Variants in RASA3 observed in about 807,000 individuals in gnomAD.
RASA3 encodes the protein ras GTPase-activating protein 3.
In RASA3, 73 loss-of-function variants were observed where a neutral mutation model predicts 110.0. That is an observed-to-expected ratio of 0.66 (90% confidence interval 0.55 to 0.81). The LOEUF is 0.81. Ranked by LOEUF, RASA3 falls within the 30% of genes least tolerant of loss-of-function variation. The pLI is 0.00. For missense variants in RASA3, 976 were observed against 1,113.2 expected (o/e 0.88, Z 1.75); for synonymous variants, 500 against 451.4 (o/e 1.11, Z -1.37).
chr13:113,994,846 C>T (rs1260150076), intron 21 of RASA3, among the ~76,000 whole-genome samples: 2 of 152,172 alleles, frequency 1.3e-5, no homozygotes, highest in South Asian at 2.1e-4. Flanking sequence ...TGGTGGAGCA[C>T]ACCTGTAGTC....
At chr13:114,110,628 C>T (rs928230564) in intron 1 of RASA3, among the ~76,000 whole-genome samples, 1 of 152,226 alleles carries the variant, frequency 6.6e-6, no homozygotes. Flanking sequence ...CCCGTTTCCT[C>T]ATCAGCAACA....
chr13:114,131,180 C>G (rs559830496), intron 1 of RASA3, among the ~76,000 whole-genome samples: 1 of 152,186 alleles, frequency 6.6e-6, no homozygotes, highest in African/African-American at 2.4e-5. Context: ...GGAAACAGCC[C>G]GCTGGTTTAG....
chr13:114,080,666 G>GCTGAAACAGGGGTCTCCCCCAGGGGTCA (rs2079769226), intron 1 of RASA3, among the ~76,000 whole-genome samples: 2 of 135,232 alleles, frequency 1.5e-5, no homozygotes, highest in Non-Finnish European at 3.3e-5. Context: ...CCCGACAACG[G>GCTGAAACAGGGGTCTCCCCCAGGGGTCA]CTGAAACAGG....
intron 1 of RASA3, among the ~76,000 whole-genome samples, chr13:114,093,699 T>C: frequency 6.6e-6 from 1 of 152,206 alleles, no homozygotes; most frequent in East Asian, 1.9e-4. Context: ...TATTTGTTCT[T>C]TTGATGTTGT....
rs1566479071 is a variant in RASA3 at position 114,013,904 on chromosome 13, TTCTCTG to T, written c.1406-662_1406-657del. ...TCTCTGTCTCTCTCTTTTTCTCTCT[TTCTCTG>T]TCTCTCTCTCTCCGTCTCTCTCTCC... On this transcript the variant is annotated intron_variant, in intron 14 of 23. Transcript: ENST00000334062. Among the ~76,000 whole-genome samples, 51 of 47,828 alleles carry T rather than the reference TTCTCTG, an allele frequency of 1.1e-3. 2 individuals carry two copies. The highest frequency in any genetic ancestry group is 3.4e-3 in the African/African-American group (37 of 10,792). The allele number at this position is 47,828 out of a possible 152,430, so 31.4% of individuals were successfully genotyped here. A position where few individuals can be genotyped will look rare whatever the true frequency, so the allele number is the denominator to read the frequency against.
At position 114,009,148 on chromosome 13, in the gene RASA3, G is replaced by A. The variant is rs139763609; in HGVS notation, c.1668+239C>T. 2.7e-3 allele frequency among the ~76,000 whole-genome samples: 404 copies of A among 152,330 alleles called. 2 individuals carry two copies. Among genetic ancestry groups the A allele is most frequent in the Non-Finnish European group, 4.6e-3 (314 of 68,036 alleles). On this transcript the variant is annotated intron_variant, in intron 17 of 23. Coordinates refer to ENST00000334062, the MANE Select transcript of RASA3 (RefSeq NM_007368.4). The stretch of plus-strand genomic sequence containing the variant: ...GGCTCAGACACAGAACAAGATGGGC[G>A]AGGGCCCCGTTTTGGCCCCAAAGGC...
At chr13:114,121,266 G>T (rs1305231628) in intron 1 of RASA3, among the ~76,000 whole-genome samples, 1 of 152,242 alleles carries the variant, frequency 6.6e-6, no homozygotes, top group African/African-American at 2.4e-5. Context: ...ATCCCGCCGA[G>T]CCTCCTGGGA....
chr13:114,027,607 G>A, intron 6 of RASA3, 146 bp from the exon 7 acceptor site: 1 of 770,298 alleles, frequency 1.3e-6, no homozygotes, highest in Admixed American at 2.6e-5. Context: ...AACTCCAGAT[G>A]GTATGCAAAT....
intron 19 of RASA3, among the ~76,000 whole-genome samples, chr13:114,000,068 T>G (rs1594296602): frequency 8.2e-5 from 5 of 60,938 alleles, no homozygotes; most frequent in Non-Finnish European, 1.2e-4. Flanking sequence ...TGGGGGGGGG[T>G]CTCTGCCAGG....
At chr13:114,082,242 A>G (rs1191431858) in intron 1 of RASA3, among the ~76,000 whole-genome samples, 3 of 152,344 alleles carry the variant, frequency 2.0e-5, no homozygotes, top group African/African-American at 7.2e-5. Flanking sequence ...CGTCTGAGAC[A>G]AAGGACATCA....
chr13:114,067,294 G>A (rs1321666298), intron 2 of RASA3, among the ~76,000 whole-genome samples: 1 of 152,196 alleles, frequency 6.6e-6, no homozygotes, highest in East Asian at 1.9e-4. Context: ...GGTACTCTGG[G>A]GCTGAGGATG....
At chr13:114,058,750 A>G (rs1449572032) in intron 2 of RASA3, among the ~76,000 whole-genome samples, 3 of 152,258 alleles carry the variant, frequency 2.0e-5, no homozygotes, top group African/African-American at 7.2e-5. Context: ...GCTGCTGTGG[A>G]CACAGGTGAC....
At chr13:114,082,957 A>G (rs2079806482) in intron 1 of RASA3, among the ~76,000 whole-genome samples, 2 of 152,336 alleles carry the variant, frequency 1.3e-5, no homozygotes, top group East Asian at 1.9e-4. Flanking sequence ...CTCTAAGCCA[A>G]TCCTGGGCTG....
intron 1 of RASA3, among the ~76,000 whole-genome samples, chr13:114,125,831 G>A (rs918577733): frequency 6.6e-6 from 1 of 152,088 alleles, no homozygotes; most frequent in Non-Finnish European, 1.5e-5. Flanking sequence ...TCAGTGAGCT[G>A]CCTCCCCGAC....
intron 1 of RASA3, among the ~76,000 whole-genome samples, chr13:114,117,652 G>A (rs35366181): frequency 6.9e-5 from 9 of 129,794 alleles, no homozygotes; most frequent in African/African-American, 1.2e-4. Flanking sequence ...TGTGTGAGGG[G>A]TGCACGTGTG....
At chr13:114,059,288 C>T in intron 2 of RASA3, among the ~76,000 whole-genome samples, 1 of 152,224 alleles carries the variant, frequency 6.6e-6, no homozygotes, top group East Asian at 1.9e-4. Context: ...GCAGCTGCTC[C>T]CCCCAACCTA....
intron 2 of RASA3, among the ~76,000 whole-genome samples, chr13:114,070,010 G>A (rs1323998741): frequency 1.5e-3 from 87 of 57,606 alleles, no homozygotes; most frequent in African/African-American, 5.7e-3. Flanking sequence ...CGGGAGACTC[G>A]GGGGCCGGGA....
intron 4 of RASA3, among the ~76,000 whole-genome samples, chr13:114,036,755 T>C (rs1594364336): frequency 6.6e-6 from 1 of 152,162 alleles, no homozygotes; most frequent in East Asian, 1.9e-4. Flanking sequence ...CAGGCTGGTC[T>C]CAAACACCTG....
Position 114,096,284 on chromosome 13 carries a change from T to C in RASA3, c.56-22447A>G, listed in dbSNP as rs955634584. On this transcript the variant is annotated intron_variant, in intron 1 of 23. Transcript: ENST00000334062. The surrounding 1 kb of genome is among the most constrained non-coding windows in gnomAD (Gnocchi z 5.1). ...AATGCAGGGTGACCCTGGCGCAGGA[T>C]CGGGTCTGAGAGCTGCTCACCGACC... 2.0e-5 allele frequency among the ~76,000 whole-genome samples: 3 copies of C among 152,248 alleles called. No individual in the cohort carries two copies. The highest frequency in any genetic ancestry group is 4.4e-5 in the Non-Finnish European group (3 of 67,990).
Sources: gnomAD v4.1 joint callset for allele counts (sites outside exome capture counted in the v4.1 genomes callset) on GRCh38, gnomAD v4.1.1 for gene constraint, Gnocchi (gnomAD v3.1) non-coding constraint, MANE v1.5 for transcripts, NCBI Gene and HGNC (gene_info 2026-07-23, HGNC 2026-07-21) for gene names.